The following NKPD1 variants were observed in gnomAD, a reference collection of about 807,000 sequenced individuals.
NKPD1 encodes the protein NTPase KAP family P-loop domain-containing protein 1.
In NKPD1, 37 loss-of-function variants were observed where a neutral mutation model predicts 42.2. That is an observed-to-expected ratio of 0.88 (90% CI 0.67 to 1.15). NKPD1 has a LOEUF of 1.15. Ranked by LOEUF, NKPD1 falls within the 50% of genes most tolerant of loss-of-function variation. The probability of loss-of-function intolerance (pLI) is 0.00; values close to 1 mark genes in which losing one functional copy is unlikely to be tolerated. For synonymous variants in NKPD1, 552 were observed against 536.5 expected, an observed-to-expected ratio of 1.03 and a Z score of -0.40; for missense variants, 1,113 against 1,174.6, an observed-to-expected ratio of 0.95 and a Z score of 0.77.
In NKPD1 at chr19:45,152,601, G is replaced by A; in HGVS notation, c.1836C>T (p.Tyr612=). 1 of 1,582,778 alleles carries A rather than the reference G, an allele frequency of 6.3e-7. No homozygotes were observed. The highest frequency in any genetic ancestry group is 1.1e-5 in the South Asian group (1 of 88,934). Residue 612 remains tyrosine, a synonymous_variant, in exon 5 of 5, where the codon TAC becomes TAT. Transcript: ENST00000686631. ...FCLHDERDCL[Y]EYVPDNVVSM... is the part of the protein sequence containing the mutation. ...ACACCACGTTGTCGGGCACGTACTCGTAGAGGCAGTCGCGCTCGTCGTGAA... is the reference window on the plus strand; with the variant it reads ...ACACCACGTTGTCGGGCACGTACTCATAGAGGCAGTCGCGCTCGTCGTGAA...
rs1968751459 is a variant in NKPD1, at chr19:45,150,004, C to T, written c.*1934G>A. The T allele has an allele frequency of 1.3e-5, 2 of 152,190 alleles. No individual in the cohort carries two copies. The highest frequency in any genetic ancestry group is 1.3e-4 in the Admixed American group (2 of 15,260). The allele number at this position is 152,190 out of a possible 1,614,324, so 9.4% of individuals were successfully genotyped here. A position where few individuals can be genotyped will look rare whatever the true frequency, so the allele number is the denominator to read the frequency against. ...TTTGTTCGTGACAACGGTCCCGTGG[C>T]TTTACACAGGTGCAAGTTCTCATAG... On this transcript the variant is annotated 3_prime_UTR_variant, in exon 5 of 5. Coordinates refer to ENST00000686631, the MANE Select transcript of NKPD1 (RefSeq NM_198478.4).
chr19:45,159,905 G>A (rs543414276), intron 2 of NKPD1, among the ~76,000 whole-genome samples, 155 bp downstream of exon 2: 1 of 152,362 alleles, frequency 6.6e-6, no homozygotes, highest in East Asian at 1.9e-4. Flanking sequence ...TCCGGGTCCT[G>A]GGTCCCAGGC....
chr19:45,152,179 C>T lies in NKPD1; in HGVS notation c.2258G>A (p.Arg753His), dbSNP rs771503603. 5.0e-6 allele frequency: 8 copies of T among 1,593,906 alleles called. No individual in the cohort carries two copies. The Admixed American group carries it at 5.3e-5, about 11-fold the overall frequency. ...GCTGACGGCTCGGATGAGACCCATG[C>T]GCCGGCGGATGGAGTGGTCCAGGTT... ...TVNLDHSIRR[R>H]MGLIRAVSAL... Residue 753 changes from arginine to histidine, a missense_variant, in exon 5 of 5, where the codon CGC (arginine) becomes CAC (histidine). By Grantham distance (29) the Arg-to-His change is conservative. Coordinates refer to ENST00000686631, the MANE Select transcript of NKPD1 (RefSeq NM_198478.4).
At chr19:45,157,719 C>CTTTTTTTTT (rs34991759) in intron 3 of NKPD1, among the ~76,000 whole-genome samples, 2 of 83,352 alleles carry the variant, frequency 2.4e-5, no homozygotes, top group African/African-American at 5.1e-5. Flanking sequence ...CCCAGACATA[C>CTTTTTTTTT]TTTTTTTTTT....
Position 45,152,396 on chromosome 19 carries a change from C to G in NKPD1, c.2041G>C (p.Gly681Arg). 3 of 1,576,090 alleles carry G rather than the reference C, an allele frequency of 1.9e-6. No individual in the cohort carries two copies. Among genetic ancestry groups the G allele is most frequent in the East Asian group, 2.4e-5 (1 of 42,042 alleles). ...LQCLEDRQQTGGAPEGRARLW... is the reference protein window; with the variant it reads ...LQCLEDRQQTRGAPEGRARLW... ...CGCGCGCGGCCCTCGGGCGCGCCCC[C>G]GGTCTGCTGCCGGTCCTCCAGGCAC... is the stretch of plus-strand genomic sequence containing the variant. Residue 681 changes from glycine to arginine, a missense_variant, in exon 5 of 5, where the codon GGG (glycine) becomes CGG (arginine). By Grantham distance (125) the Gly-to-Arg change is moderately radical. Transcript: ENST00000686631.
At chr19:45,159,315 G>A (rs1209274692) in intron 2 of NKPD1, among the ~76,000 whole-genome samples, 3 of 152,152 alleles carry the variant, frequency 2.0e-5, no homozygotes, top group Non-Finnish European at 4.4e-5. Flanking sequence ...CAGGGAAGGT[G>A]CAGGCTTGGA....
rs751591530 is a variant in NKPD1, at chr19:45,159,024, G to T, written c.168C>A (p.His56Gln). 2.3e-6 allele frequency: 3 copies of T among 1,301,954 alleles called. No homozygotes were observed. Among genetic ancestry groups the T allele is most frequent in the Non-Finnish European group, 2.0e-6 (2 of 988,394 alleles). The allele number at this position is 1,301,954 out of a possible 1,614,324, so 80.7% of individuals were successfully genotyped here. The change falls in exon 3 of 5, where the codon CAC (histidine) becomes CAA (glutamine). Residue 56 changes from histidine to glutamine, a missense_variant. His to Gln is a conservative substitution (Grantham distance 24). Around this residue, in one of 3 missense-constraint regions of NKPD1, gnomAD observed 204 missense variants for 227.8 expected, o/e 0.90. Transcript: ENST00000686631. Reference protein sequence around the residue: ...HGPCRPSPQSHWQLAYHSHQV... With the variant: ...HGPCRPSPQSQWQLAYHSHQV... The stretch of plus-strand genomic sequence containing the variant: ...GGTGGCTGTGGTAGGCCAGCTGCCA[G>T]TGTGATTGGGGGGAAGGCCGACAGG...
rs1968945117 is a variant in NKPD1, at chr19:45,158,548, C to G, written c.529+115G>C. 2 of 1,079,846 alleles carry G rather than the reference C, an allele frequency of 1.9e-6. No homozygotes were observed. The highest frequency in any genetic ancestry group is 5.3e-5 in the Admixed American group (1 of 19,028). The allele number at this position is 1,079,846 out of a possible 1,614,324, so 66.9% of individuals were successfully genotyped here. A position where few individuals can be genotyped will look rare whatever the true frequency, so the allele number is the denominator to read the frequency against. ...GGACGCACCCCTCCTAGATAGGGAA[C>G]AGGGTGTGGATGAAGAGGGCAGGTG... On this transcript the variant is annotated intron_variant, in intron 3 of 4. Transcript: ENST00000686631. The surrounding 1 kb of genome is among the most constrained non-coding windows in gnomAD (Gnocchi z 4.6).
rs1430557145 is a variant in NKPD1 at position 45,150,048 on chromosome 19, C to A, written c.*1890G>T. ...CTCATAGCAGCTCCACGTGAAGATACAGTGACCAACAGTTTGGCCACAGCT... is the reference window on the plus strand; with the variant it reads ...CTCATAGCAGCTCCACGTGAAGATAAAGTGACCAACAGTTTGGCCACAGCT... On this transcript the variant is annotated 3_prime_UTR_variant, in exon 5 of 5. Transcript: ENST00000686631. 6.6e-6 allele frequency: 1 copy of A among 152,150 alleles called. No homozygotes were observed. Among genetic ancestry groups the A allele is most frequent in the Non-Finnish European group, 1.5e-5 (1 of 68,042 alleles). 9.4% of individuals were successfully genotyped at this position (152,150 alleles called of 1,614,324 possible). A position where few individuals can be genotyped will look rare whatever the true frequency, so the allele number is the denominator to read the frequency against.
chr19:45,160,479 A>G (rs1452832398), intron 1 of NKPD1, among the ~76,000 whole-genome samples: 2 of 152,050 alleles, frequency 1.3e-5, no homozygotes, highest in East Asian at 3.9e-4. Flanking sequence ...AGGCTAGGAC[A>G]CTGGGGAGTG....
At position 45,152,469 on chromosome 19, in the gene NKPD1, C is replaced by G; in HGVS notation, c.1968G>C (p.Trp656Cys). 1.3e-6 allele frequency: 2 copies of G among 1,553,216 alleles called. No individual in the cohort carries two copies. The highest frequency in any genetic ancestry group is 1.7e-6 in the Non-Finnish European group (2 of 1,156,132). Reference protein sequence around the residue: ...GGPTPRQAVAWVVLANQWPCR... With the variant: ...GGPTPRQAVACVVLANQWPCR... The stretch of plus-strand genomic sequence containing the variant: ...ACGGCCACTGGTTGGCGAGCACCAC[C>G]CACGCCACCGCCTGGCGCGGCGTGG... Residue 656 changes from tryptophan to cysteine, a missense_variant, in exon 5 of 5, where the codon TGG becomes TGC. Physicochemically the swap from Trp to Cys is radical, Grantham distance 215 (BLOSUM62 -2). Coordinates refer to ENST00000686631, the MANE Select transcript of NKPD1 (RefSeq NM_198478.4).
At chr19:45,155,671 G>A in intron 4 of NKPD1, 114 bp downstream of exon 4, 7 of 1,079,902 alleles carry the variant, frequency 6.5e-6, no homozygotes, top group African/African-American at 1.6e-5. Flanking sequence ...GGAGGGCCTG[G>A]GCTGGGGCAG....
At chr19:45,153,906 C>A (rs1055511826) in intron 4 of NKPD1, 131 bp from the exon 5 acceptor site, 57 of 913,920 alleles carry the variant, frequency 6.2e-5, no homozygotes, top group Non-Finnish European at 8.2e-5. Context: ...TGGAAGCGAG[C>A]CGCGGCCGCT....
Position 45,159,051 on chromosome 19 carries a change from C to A in NKPD1, c.141G>T (p.Gly47=), listed in dbSNP as rs1179421664. 7.7e-6 allele frequency: 10 copies of A among 1,299,680 alleles called. No homozygotes were observed. Among genetic ancestry groups the A allele is most frequent in the Admixed American group, 2.3e-5 (1 of 42,596 alleles). The allele number at this position is 1,299,680 out of a possible 1,614,324, so 80.5% of individuals were successfully genotyped here. The change falls in exon 3 of 5, where the codon GGG becomes GGT. Residue 47 remains glycine, a synonymous_variant. Transcript: ENST00000686631. ...GTGATTGGGGGGAAGGCCGACAGGG[C>A]CCATGGGCTCGGAGGGCCGCTGAGT... ...RQDSAALRAH[G]PCRPSPQSHW... is the part of the protein sequence containing the mutation.
chr19:45,153,845 A>G, intron 4 of NKPD1, 70 bp from the exon 5 acceptor site: 1 of 1,379,466 alleles, frequency 7.2e-7, no homozygotes, highest in East Asian at 2.8e-5. Flanking sequence ...TAGTACGGGC[A>G]GGGCGGAGCG....
Position 45,151,261 on chromosome 19 carries a change from T to C in NKPD1, c.*677A>G, listed in dbSNP as rs1968771419. The C allele has an allele frequency of 6.6e-6, 1 of 152,264 alleles. No homozygotes were observed. The allele number at this position is 152,264 out of a possible 1,614,324, so 9.4% of individuals were successfully genotyped here. A position where few individuals can be genotyped will look rare whatever the true frequency, so the allele number is the denominator to read the frequency against. On this transcript the variant is annotated 3_prime_UTR_variant, in exon 5 of 5. Transcript: ENST00000686631. ...AGGCAGGTACCCTGTGGACAGTTAT[T>C]TGTCTGGGGGAGGTTAGTGCCACCC...
In NKPD1 at chr19:45,153,399, C is replaced by T. The variant is rs547026989; in HGVS notation, c.1038G>A (p.Ala346=). The change falls in exon 5 of 5, where the codon GCG becomes GCA. Residue 346 remains alanine, a synonymous_variant. Coordinates refer to ENST00000686631, the MANE Select transcript of NKPD1 (RefSeq NM_198478.4). ...CRRRVCLGLL[A]LLAALGLGVG... ...CACCCAGGCCCAGCGCCGCCAGCAG[C>T]GCCAGCAGCCCCAGGCACACGCGGC... 7 of 1,555,552 alleles carry T rather than the reference C, an allele frequency of 4.5e-6. No individual in the cohort carries two copies. The African/African-American group carries it at 8.1e-5, about 18-fold the overall frequency.
In NKPD1 at chr19:45,155,879, C is replaced by T; in HGVS notation, c.567G>A (p.Leu189=). ...LTEDDVYCSC[L]AKTLCHVPVP... is the part of the protein sequence containing the mutation. The stretch of plus-strand genomic sequence containing the variant: ...CCGGCACGTGGCAGAGTGTCTTGGC[C>T]AGGCAGCTGCAGTAGACGTCATCCT... Residue 189 remains leucine, a synonymous_variant, in exon 4 of 5, where the codon CTG becomes CTA. Coordinates refer to ENST00000686631, the MANE Select transcript of NKPD1 (RefSeq NM_198478.4). 7.7e-7 allele frequency: 1 copy of T among 1,305,328 alleles called. No homozygotes were observed. Among genetic ancestry groups the T allele is most frequent in the Non-Finnish European group, 1.0e-6 (1 of 988,878 alleles). 80.9% of individuals were successfully genotyped at this position (1,305,328 alleles called of 1,614,324 possible). A position where few individuals can be genotyped will look rare whatever the true frequency, so the allele number is the denominator to read the frequency against.
At chr19:45,160,337 T>C (rs1165503062) in intron 1 of NKPD1, among the ~76,000 whole-genome samples, 116 bp from the exon 2 acceptor site, 1 of 150,822 alleles carries the variant, frequency 6.6e-6, no homozygotes. Context: ...GAGAAGGGGG[T>C]AGAGGTGGCC....
Sources: allele counts gnomAD v4.1 joint callset (sites outside exome capture counted in the v4.1 genomes callset), GRCh38; gene constraint gnomAD v4.1.1; regional missense constraint gnomAD v4.1.1; non-coding constraint Gnocchi (gnomAD v3.1); transcripts MANE v1.5; gene names NCBI Gene and HGNC (gene_info 2026-07-23, HGNC 2026-07-21).